The following ASTN2 variants were observed in gnomAD, a reference collection of about 807,000 sequenced individuals.
The protein encoded by ASTN2 is astrotactin-2.
ASTN2 carries 54 observed loss-of-function variants against 139.8 expected under a neutral mutation model. The observed-to-expected ratio is 0.39, with a 90% CI of 0.31 to 0.48. The LOEUF is 0.48. Ranked by LOEUF, ASTN2 falls within the 20% of genes least tolerant of loss-of-function variation. The pLI is 0.95. For synonymous variants in ASTN2, 756 were observed against 719.5 expected (o/e 1.05, Z -0.81); for missense variants, 1,565 against 1,725.1 (o/e 0.91, Z 1.64).
In ASTN2 at chr9:116,964,250, T is replaced by TGC. The variant is rs1251212670; in HGVS notation, c.1889+10957_1889+10958insGC. 1.5e-3 allele frequency among the ~76,000 whole-genome samples: 203 copies of TGC among 134,534 alleles called. 1 individual carries two copies. The highest frequency in any genetic ancestry group is 5.5e-3 in the African/African-American group (198 of 36,262). 88.3% of individuals were successfully genotyped at this position (134,534 alleles called of 152,430 possible). On this transcript the variant is annotated intron_variant, in intron 10 of 22. Coordinates refer to ENST00000313400, the MANE Select transcript of ASTN2 (RefSeq NM_001365068.1). ...GTGTGTGTGTGTGTGTGTGTGTGTG[T>TGC]GTGTGTGCGCGCGCGCGCGTGTGTG... is the stretch of plus-strand genomic sequence containing the variant.
chr9:117,287,669 AAAAT>A (rs1406339789), intron 2 of ASTN2, among the ~76,000 whole-genome samples: 5 of 152,230 alleles, frequency 3.3e-5, no homozygotes, highest in Non-Finnish European at 5.9e-5. Flanking sequence ...GTAAATACTC[AAAAT>A]AAATGTCAGG....
chr9:117,200,088 A>G (rs949711226), intron 3 of ASTN2, among the ~76,000 whole-genome samples: 1 of 150,620 alleles, frequency 6.6e-6, no homozygotes, highest in South Asian at 2.1e-4. Flanking sequence ...TTTAAATTTT[A>G]TTATTATTAT....
intron 20 of ASTN2, among the ~76,000 whole-genome samples, chr9:116,480,971 G>T (rs1849149096): frequency 6.6e-6 from 1 of 152,180 alleles, no homozygotes; most frequent in African/African-American, 2.4e-5. Context: ...TCCTCCTCCT[G>T]CTGCCATTTG....
intron 1 of ASTN2, among the ~76,000 whole-genome samples, chr9:117,360,371 G>T (rs1829658028): frequency 6.6e-6 from 1 of 152,124 alleles, no homozygotes; most frequent in Non-Finnish European, 1.5e-5. Flanking sequence ...AACAGCAGGT[G>T]TCTAACCGAG....
chr9:116,590,918 C>T (rs777942990), intron 19 of ASTN2, among the ~76,000 whole-genome samples: 39 of 152,144 alleles, frequency 2.6e-4, no homozygotes, highest in Non-Finnish European at 4.3e-4. Context: ...GATGACCTGC[C>T]TTCAGAAAGG....
At chr9:116,728,226 C>T (rs1828683336) in intron 15 of ASTN2, among the ~76,000 whole-genome samples, 1 of 152,046 alleles carries the variant, frequency 6.6e-6, no homozygotes, top group Non-Finnish European at 1.5e-5. Context: ...AGACCCAAGC[C>T]CCGCCCACAG....
intron 17 of ASTN2, among the ~76,000 whole-genome samples, chr9:116,632,232 A>AGAAAGAAAGAAG (rs1220202149): frequency 2.0e-3 from 257 of 130,518 alleles, no homozygotes; most frequent in Non-Finnish European, 2.8e-3. Context: ...AAAGAAAGAA[A>AGAAAGAAAGAAG]GAAAGAAAGA....
At chr9:117,160,425 G>A (rs13299367) in intron 3 of ASTN2, among the ~76,000 whole-genome samples, 1 of 47,664 alleles carries the variant, frequency 2.1e-5, no homozygotes, top group African/African-American at 8.2e-5. Flanking sequence ...AAAGGCCACT[G>A]GAGGGTAATC....
At chr9:117,284,207 G>A (rs563703364) in intron 2 of ASTN2, among the ~76,000 whole-genome samples, 23 of 152,172 alleles carry the variant, frequency 1.5e-4, no homozygotes, top group African/African-American at 2.9e-4. Context: ...AGACCCAAGC[G>A]ATCCTCCCAC....
chr9:116,698,024 T>C lies in ASTN2; in HGVS notation c.2806+27747A>G, dbSNP rs1860961572. On this transcript the variant is annotated intron_variant, in intron 16 of 22. Coordinates refer to ENST00000313400, the MANE Select transcript of ASTN2 (RefSeq NM_001365068.1). The surrounding 1 kb of genome is among the most constrained non-coding windows in gnomAD (Gnocchi z 4.4). ...TTGATACAGCTGGGCTCAGCGAGGC[T>C]GTGGGGCTGCTCATGTGTCGGTCCT... is the stretch of plus-strand genomic sequence containing the variant. 2 of 1,614,086 alleles carry C rather than the reference T, an allele frequency of 1.2e-6. No individual in the cohort carries two copies. Among genetic ancestry groups the C allele is most frequent in the South Asian group, 1.1e-5 (1 of 91,082 alleles).
intron 7 of ASTN2, among the ~76,000 whole-genome samples, chr9:116,982,789 G>C (rs868092745): frequency 6.6e-6 from 1 of 152,156 alleles, no homozygotes; most frequent in East Asian, 1.9e-4. Flanking sequence ...CTGAGATCTT[G>C]TTCAAATTCC....
At chr9:116,789,599 AC>A (rs1235851445) in intron 13 of ASTN2, among the ~76,000 whole-genome samples, 1 of 152,212 alleles carries the variant, frequency 6.6e-6, no homozygotes, top group East Asian at 1.9e-4. Context: ...TTTCATTAGA[AC>A]TGTTACTACA....
chr9:116,538,684 C>T (rs1229658775), intron 19 of ASTN2, among the ~76,000 whole-genome samples: 1 of 152,164 alleles, frequency 6.6e-6, no homozygotes, highest in Non-Finnish European at 1.5e-5. Context: ...CTAAAATGCA[C>T]AATTTTTGCC....
At chr9:117,141,643 T>G (rs924779052) in intron 3 of ASTN2, among the ~76,000 whole-genome samples, 165 bp from the exon 4 acceptor site, 2 of 151,992 alleles carry the variant, frequency 1.3e-5, no homozygotes, top group African/African-American at 4.8e-5. Context: ...AGATATAGAA[T>G]CAAAACCTTG....
Position 116,699,640 on chromosome 9 carries a change from T to C in ASTN2, c.2806+26131A>G. On this transcript the variant is annotated intron_variant, in intron 16 of 22. Transcript: ENST00000313400. The surrounding 1 kb of genome is among the most constrained non-coding windows in gnomAD (Gnocchi z 4.2). ...ACTCCTAAGGGGCAGCTGCTGGTCTTGGACTGTTGGGATCATTGCATCAAG... is the reference window on the plus strand; with the variant it reads ...ACTCCTAAGGGGCAGCTGCTGGTCTCGGACTGTTGGGATCATTGCATCAAG... 1 of 1,614,236 alleles carries C rather than the reference T, an allele frequency of 6.2e-7. No individual in the cohort carries two copies. The highest frequency in any genetic ancestry group is 8.5e-7 in the Non-Finnish European group (1 of 1,180,038).
At chr9:117,377,683 CACTGTAGCAT>C (rs1830160783) in intron 1 of ASTN2, among the ~76,000 whole-genome samples, 2 of 150,866 alleles carry the variant, frequency 1.3e-5, no homozygotes, top group Admixed American at 1.3e-4. Flanking sequence ...CAAAAAAGTT[CACTGTAGCAT>C]ACTTTTAATA....
intron 3 of ASTN2, among the ~76,000 whole-genome samples, chr9:117,150,239 A>G (rs1564450660): frequency 6.6e-6 from 1 of 152,304 alleles, no homozygotes; most frequent in East Asian, 1.9e-4. Context: ...CTGTGTTCCT[A>G]AATGTAAATG....
intron 10 of ASTN2, among the ~76,000 whole-genome samples, chr9:116,871,683 G>C (rs1489641036): frequency 6.6e-6 from 1 of 152,172 alleles, no homozygotes; most frequent in Non-Finnish European, 1.5e-5. Context: ...CCATTATATA[G>C]ATATTCCACA....
intron 13 of ASTN2, among the ~76,000 whole-genome samples, chr9:116,780,935 G>T (rs1349506824): frequency 6.6e-6 from 1 of 151,882 alleles, no homozygotes; most frequent in African/African-American, 2.4e-5. Flanking sequence ...CGCCTCCTGG[G>T]TTCAAGTGAT....
Sources: allele counts gnomAD v4.1 joint callset (sites outside exome capture counted in the v4.1 genomes callset), GRCh38; gene constraint gnomAD v4.1.1; non-coding constraint Gnocchi (gnomAD v3.1); transcripts MANE v1.5; gene names NCBI Gene and HGNC (gene_info 2026-07-23, HGNC 2026-07-21).